NRIP1: variants seen among roughly 807,000 people sequenced by gnomAD.
The protein encoded by NRIP1 is nuclear receptor interacting protein 1, also known as nuclear receptor-interacting protein 1.
Under a neutral mutation model 75.0 loss-of-function variants are expected in NRIP1, and 28 were observed. That is an observed-to-expected ratio of 0.37 (90% CI 0.28 to 0.51). The LOEUF (loss-of-function observed/expected upper bound fraction) is 0.51. Among genes scored for constraint, NRIP1 ranks in the 20% least tolerant of loss-of-function variants. The probability of loss-of-function intolerance (pLI) is 0.92; values close to 1 mark genes in which losing one functional copy is unlikely to be tolerated. For synonymous variants in NRIP1, 526 were observed against 487.6 expected (o/e 1.08, Z -1.04); for missense variants, 1,435 against 1,343.7 (o/e 1.07, Z -1.06).
chr21:15,031,037 GCGGT>G lies in NRIP1; in HGVS notation c.-458+12454_-458+12457del, dbSNP rs1212430335. ...CCTTTCTATGTGTATACTCTGGAAG[GCGGT>G]TGGAGGTTCACTACATTCCCTTTCT... On this transcript the variant is annotated intron_variant, in intron 2 of 3. Coordinates refer to ENST00000318948, the MANE Select transcript of NRIP1 (RefSeq NM_003489.4). Among the ~76,000 whole-genome samples, 304 of 123,312 alleles carry G rather than the reference GCGGT, an allele frequency of 2.5e-3. 14 individuals are homozygous for G. Among genetic ancestry groups the G allele is most frequent in the Admixed American group, 4.2e-3 (48 of 11,410 alleles). The allele number at this position is 123,312 out of a possible 152,430, so 80.9% of individuals were successfully genotyped here.
In NRIP1 at chr21:15,016,988, AAAG is replaced by A. The variant is rs1174316530; in HGVS notation, c.-457-2525_-457-2523del. Among the ~76,000 whole-genome samples, 55 of 151,562 alleles carry A rather than the reference AAAG, an allele frequency of 3.6e-4. 1 individual carries two copies. The highest frequency in any genetic ancestry group is 3.2e-3 in the Admixed American group (49 of 15,248). ...GAAAGAAAGAAAAGAGAAAGAAAGA[AAAG>A]AAAGAAAAAGAAAAGAATGAAGGAA... On this transcript the variant is annotated intron_variant, in intron 2 of 3. Coordinates refer to ENST00000318948, the MANE Select transcript of NRIP1 (RefSeq NM_003489.4).
At chr21:15,016,815 G>T (rs1315095772) in intron 2 of NRIP1, among the ~76,000 whole-genome samples, 1 of 151,958 alleles carries the variant, frequency 6.6e-6, no homozygotes, top group African/African-American at 2.4e-5. Context: ...AACCTGGGAG[G>T]CAGAGCTTGC....
rs771198190 is a variant in NRIP1 at position 14,965,926 on chromosome 21, T to G, written c.2267A>C (p.Lys756Thr). The G allele has an allele frequency of 1.2e-6, 2 of 1,614,004 alleles. No individual in the cohort carries two copies. Among genetic ancestry groups the G allele is most frequent in the South Asian group, 1.1e-5 (1 of 91,088 alleles). ...LSEQILMVKI[K>T]SEPCDDLQIP... ...TTGTAAGTCATCACAAGGCTCAGAT[T>G]TTATTTTCACCATCAGTATTTGTTC... The change falls in exon 4 of 4, where the codon AAA becomes ACA. Residue 756 changes from lysine (K) to threonine (T), a missense_variant. By Grantham distance (78) the Lys-to-Thr change is moderately conservative (BLOSUM62 -1). Transcript: ENST00000318948.
At chr21:15,063,074 T>G (rs1354460998) in intron 1 of NRIP1, among the ~76,000 whole-genome samples, 1 of 152,216 alleles carries the variant, frequency 6.6e-6, no homozygotes, top group African/African-American at 2.4e-5. Flanking sequence ...TAGGGCACTT[T>G]TAAAGGTAAG....
chr21:14,996,201 T>G (rs933761219), intron 3 of NRIP1, among the ~76,000 whole-genome samples: 1 of 152,202 alleles, frequency 6.6e-6, no homozygotes, highest in Non-Finnish European at 1.5e-5. Context: ...TACTTCACAT[T>G]CTTTTTGTAG....
At chr21:14,978,258 T>A (rs2087132276) in intron 3 of NRIP1, among the ~76,000 whole-genome samples, 1 of 152,164 alleles carries the variant, frequency 6.6e-6, no homozygotes, top group African/African-American at 2.4e-5. Flanking sequence ...TCCAAGTAAT[T>A]TGTCAAATTA....
At chr21:14,994,594 G>C (rs1426267208) in intron 3 of NRIP1, among the ~76,000 whole-genome samples, 1 of 152,082 alleles carries the variant, frequency 6.6e-6, no homozygotes, top group Non-Finnish European at 1.5e-5. Flanking sequence ...ATTTTCATTG[G>C]AATTTCAAAT....
intron 1 of NRIP1, among the ~76,000 whole-genome samples, chr21:15,057,236 T>C (rs1600939986): frequency 1.3e-5 from 2 of 152,202 alleles, no homozygotes; most frequent in East Asian, 3.8e-4. Context: ...GGAAGAGCTA[T>C]GGTTCTGAAT....
In NRIP1 at chr21:15,019,470, C is replaced by CTTTTTTTTTTTTTTTT. The variant is rs539278321; in HGVS notation, c.-457-5020_-457-5005dup. On this transcript the variant is annotated intron_variant, in intron 2 of 3. Coordinates refer to ENST00000318948, the MANE Select transcript of NRIP1 (RefSeq NM_003489.4). ...ACAAGATCCACAAACAACTGCATTT[C>CTTTTTTTTTTTTTTTT]TTTTTTTTTTTTTTTTTTTTTTTTT... Among the ~76,000 whole-genome samples, 2 of 38,696 alleles carry CTTTTTTTTTTTTTTTT rather than the reference C, an allele frequency of 5.2e-5. 1 individual carries two copies. Among genetic ancestry groups the CTTTTTTTTTTTTTTTT allele is most frequent in the East Asian group, 1.8e-3 (2 of 1,088 alleles). 25.4% of individuals were successfully genotyped at this position (38,696 alleles called of 152,430 possible). A position where few individuals can be genotyped will look rare whatever the true frequency, so the allele number is the denominator to read the frequency against.
chr21:15,035,556 CTTT>C (rs71331704), intron 2 of NRIP1, among the ~76,000 whole-genome samples: 2 of 134,490 alleles, frequency 1.5e-5, no homozygotes, highest in Non-Finnish European at 3.2e-5. Context: ...TTGTATATGA[CTTT>C]TTTTTTTTTT....
rs576452357 is a variant in NRIP1, at chr21:14,980,460, G to A, written c.-334-11934C>T. Reference sequence around the variant, plus strand: ...TTGCACTCCAGCTGGGTGACAGAGCGAGACTCCGTATCAAAATAAAATAAA... The same window carrying A: ...TTGCACTCCAGCTGGGTGACAGAGCAAGACTCCGTATCAAAATAAAATAAA... On this transcript the variant is annotated intron_variant, in intron 3 of 3. Coordinates refer to ENST00000318948, the MANE Select transcript of NRIP1 (RefSeq NM_003489.4). Among the ~76,000 whole-genome samples, 4 of 151,890 alleles carry A rather than the reference G, an allele frequency of 2.6e-5. No individual in the cohort carries two copies. In the East Asian group the frequency reaches 7.7e-4, roughly 29 times the overall value.
chr21:15,065,156 A>G (rs1435530929), upstream of NRIP1, among the ~76,000 whole-genome samples: 1 of 149,946 alleles, frequency 6.7e-6, no homozygotes, highest in Non-Finnish European at 1.5e-5. Flanking sequence ...CCTCCCTCCC[A>G]TTGTCACCCG....
rs1568978379 is a variant in NRIP1 at position 15,011,502 on chromosome 21, T to TA, written c.-335+2841_-335+2842insT. Among the ~76,000 whole-genome samples the TA allele has an allele frequency of 7.2e-5, 11 of 152,164 alleles. No individual in the cohort carries two copies. In the East Asian group the frequency reaches 2.1e-3, roughly 29 times the overall value. ...CCACGCCCAGAGTACTGGCCCTTTT[T>TA]TAAAAAAAAATTTATATAGATATTT... is the stretch of plus-strand genomic sequence containing the variant. On this transcript the variant is annotated intron_variant, in intron 3 of 3. Transcript: ENST00000318948.
rs138866424 is a variant in NRIP1, at chr21:14,968,016, G to A, written c.177C>T (p.Pro59=). ...GAACTGGACCATTACTTTGACAGGT[G>A]GGAAATGCACTGCCAGAAATGTTAA... ...QNFNISGSAF[P]TCQSNGPVLN... The change falls in exon 4 of 4, where the codon CCC becomes CCT. Residue 59 remains proline (P), a synonymous_variant. Coordinates refer to ENST00000318948, the MANE Select transcript of NRIP1 (RefSeq NM_003489.4). 3.8e-5 allele frequency: 62 copies of A among 1,613,882 alleles called. No individual in the cohort carries two copies. Among genetic ancestry groups the A allele is most frequent in the Non-Finnish European group, 5.2e-5 (61 of 1,179,992 alleles).
At position 14,968,013 on chromosome 21, in the gene NRIP1, G is replaced by A. The variant is rs772140021; in HGVS notation, c.180C>T (p.Thr60=). Residue 60 remains threonine (T), a synonymous_variant, in exon 4 of 4, where the codon ACC becomes ACT. Coordinates refer to ENST00000318948, the MANE Select transcript of NRIP1 (RefSeq NM_003489.4). ...TGAGAACTGGACCATTACTTTGACA[G>A]GTGGGAAATGCACTGCCAGAAATGT... The part of the protein sequence containing the change: ...NFNISGSAFP[T]CQSNGPVLNT... 59 of 1,613,892 alleles carry A rather than the reference G, an allele frequency of 3.7e-5. No individual in the cohort carries two copies. The highest frequency in any genetic ancestry group is 4.8e-5 in the Non-Finnish European group (57 of 1,180,006).
intron 3 of NRIP1, among the ~76,000 whole-genome samples, chr21:14,997,647 C>T (rs1173286815): frequency 6.6e-6 from 1 of 150,632 alleles, no homozygotes; most frequent in African/African-American, 2.4e-5. Flanking sequence ...CACAAACCCA[C>T]AAAAATAATC....
chr21:15,050,673 T>C (rs1169921634), intron 1 of NRIP1: 10 of 454,574 alleles, frequency 2.2e-5, no homozygotes, highest in Admixed American at 4.7e-5. Flanking sequence ...CAAGTACATA[T>C]GTGTGTATTG....
rs148616122 is a variant in NRIP1, at chr21:15,054,387, G to T, written c.-538+10358C>A. 1.2e-3 allele frequency among the ~76,000 whole-genome samples: 176 copies of T among 144,170 alleles called. 1 individual carries two copies. The highest frequency in any genetic ancestry group is 4.5e-3 in the African/African-American group (166 of 36,936). 94.6% of individuals were successfully genotyped at this position (144,170 alleles called of 152,430 possible). ...GTATTCATTTCCTTACAAAAAAAAT[G>T]TTGCCCCCAAAGATTTTGCTAAACG... On this transcript the variant is annotated intron_variant, in intron 1 of 3. Coordinates refer to ENST00000318948, the MANE Select transcript of NRIP1 (RefSeq NM_003489.4).
chr21:14,989,488 T>C (rs960369275), intron 3 of NRIP1, among the ~76,000 whole-genome samples: 11 of 152,194 alleles, frequency 7.2e-5, no homozygotes, highest in African/African-American at 2.7e-4. Flanking sequence ...ACATTGGTTG[T>C]TTTAATTCCA....
Sources: allele counts gnomAD v4.1 joint callset (sites outside exome capture counted in the v4.1 genomes callset), GRCh38; gene constraint gnomAD v4.1.1; transcripts MANE v1.5; gene names NCBI Gene and HGNC (gene_info 2026-07-23, HGNC 2026-07-21).